The following CKAP5 variants were observed in gnomAD, a reference collection of about 807,000 sequenced individuals.
CKAP5 encodes the protein cytoskeleton associated protein 5.
In CKAP5, 27 loss-of-function variants were observed where a neutral mutation model predicts 232.8. The ratio of observed to expected loss-of-function variants is 0.12; its 90% CI spans 0.09 to 0.16. The LOEUF (loss-of-function observed/expected upper bound fraction) is 0.16, where lower values mean the gene tolerates loss of function less well. CKAP5 is among the 10% of genes least tolerant of loss of function. The probability of loss-of-function intolerance (pLI) is 1.00; values close to 1 mark genes in which losing one functional copy is unlikely to be tolerated. For synonymous variants in CKAP5, 785 were observed against 841.1 expected (o/e 0.93, Z 1.16); for missense variants, 1,838 against 2,424.7 (o/e 0.76, Z 5.08).
Position 46,816,300 on chromosome 11 carries a change from A to G in CKAP5, c.356T>C (p.Ile119Thr), listed in dbSNP as rs767715244. Residue 119 changes from isoleucine (I) to threonine (T), a missense_variant, in exon 4 of 44, where the codon ATT (isoleucine) becomes ACT (threonine). Physicochemically the swap from Ile to Thr is moderately conservative, Grantham distance 89. Around this residue, in one of 6 missense-constraint regions of CKAP5, gnomAD observed 285 missense variants for 300.0 expected, o/e 0.95. Coordinates refer to ENST00000529230, the MANE Select transcript of CKAP5 (RefSeq NM_001008938.4). ...TTCTTGAACAGCCTCTCCTTTCTCA[A>G]TCTCTATGTACATAAGACAGATCTC... ...GIEICLMYIEIEKGEAVQEEL... is the reference protein window; with the variant it reads ...GIEICLMYIETEKGEAVQEEL... 3.2e-5 allele frequency: 51 copies of G among 1,613,776 alleles called. No homozygotes were observed. The highest frequency in any genetic ancestry group is 2.7e-4 in the East Asian group (12 of 44,882).
At chr11:46,770,633 T>C (rs984952718) in intron 25 of CKAP5, among the ~76,000 whole-genome samples, 155 bp downstream of exon 25, 1 of 152,236 alleles carries the variant, frequency 6.6e-6, no homozygotes, top group African/African-American at 2.4e-5. Context: ...TTCACCATGT[T>C]GGCCAGGCTG....
chr11:46,777,637 T>C, intron 22 of CKAP5, 85 bp from the exon 23 acceptor site: 1 of 826,222 alleles, frequency 1.2e-6, no homozygotes, highest in African/African-American at 1.7e-5. Flanking sequence ...ATACTGTCAA[T>C]ACAGCAGGAG....
intron 18 of CKAP5, among the ~76,000 whole-genome samples, chr11:46,781,891 T>A (rs1033030484): frequency 6.6e-6 from 1 of 152,210 alleles, no homozygotes; most frequent in Non-Finnish European, 1.5e-5. Flanking sequence ...AATGGCATGA[T>A]CTTGGCTCAC....
In CKAP5 at chr11:46,767,797, T is replaced by C. The variant is rs368774957; in HGVS notation, c.3323-134A>G. On this transcript the variant is annotated intron_variant, in intron 26 of 43. Transcript: ENST00000529230. ...CAATTTATAAGATGTTTTCAGTTAG[T>C]TTTTTTTTTATGAGACAGGATTTTG... The C allele has an allele frequency of 4.0e-5, 17 of 421,884 alleles. No individual in the cohort carries two copies. In the African/African-American group the frequency reaches 5.7e-4, roughly 14 times the overall value. The allele number at this position is 421,884 out of a possible 1,614,324, so 26.1% of individuals were successfully genotyped here. A position where few individuals can be genotyped will look rare whatever the true frequency, so the allele number is the denominator to read the frequency against.
chr11:46,756,752 G>T (rs1229031443), intron 35 of CKAP5, among the ~76,000 whole-genome samples: 3 of 137,062 alleles, frequency 2.2e-5, no homozygotes, highest in East Asian at 2.5e-4. Context: ...TCTGGACCTT[G>T]AATTTTTTTT....
chr11:46,760,598 CTCTA>C lies in CKAP5; in HGVS notation c.4394+10_4394+13del, dbSNP rs764098636. The C allele has an allele frequency of 1.2e-6, 2 of 1,612,232 alleles. No homozygotes were observed. The highest frequency in any genetic ancestry group is 2.7e-5 in the African/African-American group (2 of 74,902). On this transcript the variant is annotated intron_variant, in intron 33 of 43. Transcript: ENST00000529230. The stretch of plus-strand genomic sequence containing the variant: ...CATGGAGATGCTCTCAGACAAGTAT[CTCTA>C]TCTACATACTTGAGTTTGGAAGACA...
At chr11:46,788,158 G>T (rs185472679) in intron 16 of CKAP5, among the ~76,000 whole-genome samples, 68 of 152,318 alleles carry the variant, frequency 4.5e-4, no homozygotes, top group African/African-American at 1.6e-3. Context: ...AGTTCTTGGG[G>T]AGTCCAGAGT....
intron 36 of CKAP5, among the ~76,000 whole-genome samples, chr11:46,754,228 A>C (rs945768298): frequency 6.6e-6 from 1 of 152,040 alleles, no homozygotes; most frequent in Non-Finnish European, 1.5e-5. Context: ...TGAACTCCTG[A>C]CATTGTGATC....
intron 12 of CKAP5, among the ~76,000 whole-genome samples, chr11:46,796,164 CAAAAAAAAAAA>C (rs60980136): frequency 3.5e-5 from 4 of 113,318 alleles, no homozygotes; most frequent in African/African-American, 7.7e-5. Context: ...GATTCATTGC[CAAAAAAAAAAA>C]AAAAAAAAAA....
In CKAP5 at chr11:46,796,893, T is replaced by C. The variant is rs1404904227; in HGVS notation, c.1386A>G (p.Ala462=). 1 of 1,614,084 alleles carries C rather than the reference T, an allele frequency of 6.2e-7. No individual in the cohort carries two copies. Among genetic ancestry groups the C allele is most frequent in the South Asian group, 1.1e-5 (1 of 91,086 alleles). ...CAACCACCTTCAAAGCAGTACCCAATGCTTCAAATGCGGCATCTCTGACTT... is the reference window on the plus strand; with the variant it reads ...CAACCACCTTCAAAGCAGTACCCAACGCTTCAAATGCGGCATCTCTGACTT... ...APEVRDAAFE[A]LGTALKVVGE... Residue 462 remains alanine, a synonymous_variant, in exon 12 of 44, where the codon GCA becomes GCG. Coordinates refer to ENST00000529230, the MANE Select transcript of CKAP5 (RefSeq NM_001008938.4).
chr11:46,834,723 G>A (rs1939877380), intron 1 of CKAP5, among the ~76,000 whole-genome samples: 1 of 152,076 alleles, frequency 6.6e-6, no homozygotes, highest in South Asian at 2.1e-4. Flanking sequence ...CCATAGGTTT[G>A]GAGGAATCTC....
chr11:46,788,644 T>A, intron 16 of CKAP5, 37 bp downstream of exon 16: 1 of 1,204,816 alleles, frequency 8.3e-7, no homozygotes, highest in Non-Finnish European at 1.2e-6. Flanking sequence ...TGTAAATTAC[T>A]TCAATAAAAG....
chr11:46,759,532 G>T, intron 33 of CKAP5, 90 bp from the exon 34 acceptor site: 1 of 1,314,850 alleles, frequency 7.6e-7, no homozygotes, highest in Non-Finnish European at 1.0e-6. Context: ...AAAGCTTCAG[G>T]ACAGATGTTC....
chr11:46,748,667 G>A (rs1227379233), intron 42 of CKAP5, among the ~76,000 whole-genome samples: 1 of 152,022 alleles, frequency 6.6e-6, no homozygotes, highest in Non-Finnish European at 1.5e-5. Flanking sequence ...TACTCGGGAG[G>A]CTGAGGCAGG....
intron 25 of CKAP5, 138 bp from the exon 26 acceptor site, chr11:46,770,236 A>C: frequency 2.4e-6 from 2 of 819,040 alleles, no homozygotes; most frequent in Non-Finnish European, 2.0e-6. Context: ...GAGGCAGTAC[A>C]TGGTGTCAGA....
intron 18 of CKAP5, among the ~76,000 whole-genome samples, chr11:46,782,825 T>C (rs1384487177): frequency 6.6e-6 from 1 of 152,240 alleles, no homozygotes; most frequent in Admixed American, 6.5e-5. Context: ...GTAAACTGTA[T>C]AAAGTTTTGT....
chr11:46,794,512 C>A (rs1938820836), intron 13 of CKAP5, among the ~76,000 whole-genome samples: 1 of 147,250 alleles, frequency 6.8e-6, no homozygotes, highest in African/African-American at 2.4e-5. Context: ...CCAAGAAGAA[C>A]TATACAACTA....
chr11:46,760,008 G>A (rs1021033537), intron 33 of CKAP5, among the ~76,000 whole-genome samples: 2 of 152,142 alleles, frequency 1.3e-5, no homozygotes, highest in African/African-American at 2.4e-5. Context: ...ATTCAAGTTC[G>A]TTAAAATTAT....
intron 3 of CKAP5, among the ~76,000 whole-genome samples, chr11:46,817,317 A>G (rs1467171687): frequency 6.6e-6 from 1 of 152,110 alleles, no homozygotes; most frequent in Non-Finnish European, 1.5e-5. Flanking sequence ...ACTTTTTAGG[A>G]AAAGAGAATT....
Sources: gnomAD v4.1 joint callset for allele counts (sites outside exome capture counted in the v4.1 genomes callset) on GRCh38, gnomAD v4.1.1 for gene constraint, gnomAD v4.1.1 regional missense constraint, MANE v1.5 for transcripts, NCBI Gene and HGNC (gene_info 2026-07-23, HGNC 2026-07-21) for gene names.